LRRC4C: variants seen among roughly 807,000 people sequenced by gnomAD.
The protein encoded by LRRC4C is leucine-rich repeat-containing protein 4C.
In LRRC4C, 5 loss-of-function variants were observed where a neutral mutation model predicts 33.6. The ratio of observed to expected loss-of-function variants is 0.15; its 90% confidence interval spans 0.08 to 0.31. The LOEUF (loss-of-function observed/expected upper bound fraction) is 0.31. Among genes scored for constraint, LRRC4C ranks in the 10% least tolerant of loss-of-function variants. LRRC4C has a pLI of 1.00. For synonymous variants in LRRC4C, 329 were observed against 302.0 expected, an observed-to-expected ratio of 1.09 and a Z score of -0.93; for missense variants, 560 against 796.7, an observed-to-expected ratio of 0.70 and a Z score of 3.58.
chr11:40,933,464 CTAT>C (rs1477622328), intron 2 of LRRC4C, among the ~76,000 whole-genome samples, 168 bp downstream of exon 2: 1 of 152,224 alleles, frequency 6.6e-6, no homozygotes, highest in Non-Finnish European at 1.5e-5. Context: ...TTGTTTAAAG[CTAT>C]TATTGTTGCA....
intron 4 of LRRC4C, among the ~76,000 whole-genome samples, chr11:40,316,935 T>C (rs1345922719): frequency 1.6e-4 from 1 of 6,320 alleles, no homozygotes; most frequent in Non-Finnish European, 6.5e-3. Flanking sequence ...AGTTCCCTAA[T>C]ATGCTAAAAA....
intron 1 of LRRC4C, among the ~76,000 whole-genome samples, chr11:41,216,433 A>G (rs1947066469): frequency 6.6e-6 from 1 of 151,330 alleles, no homozygotes; most frequent in Non-Finnish European, 1.5e-5. Context: ...TAAAAATGAC[A>G]TTTTTCTCTT....
chr11:40,911,987 G>C (rs181558319), intron 2 of LRRC4C, among the ~76,000 whole-genome samples: 1 of 152,284 alleles, frequency 6.6e-6, no homozygotes, highest in East Asian at 1.9e-4. Context: ...GAGAAGGGAA[G>C]TTGAGAGACA....
In LRRC4C at chr11:40,952,611, T is replaced by C. The variant is rs572669235; in HGVS notation, c.-495-18888A>G. Among the ~76,000 whole-genome samples, 267 of 152,034 alleles carry C rather than the reference T, an allele frequency of 1.8e-3. 1 individual carries two copies. The highest frequency in any genetic ancestry group is 5.7e-3 in the African/African-American group (236 of 41,510). On this transcript the variant is annotated intron_variant, in intron 1 of 6. Coordinates refer to ENST00000528697, the MANE Select transcript of LRRC4C (RefSeq NM_001258419.2). ...CTGACTTGATACAAAGCCCACTGGATATGTATATATGATTTGGTTGAAGCA... is the reference window on the plus strand; with the variant it reads ...CTGACTTGATACAAAGCCCACTGGACATGTATATATGATTTGGTTGAAGCA...
At chr11:40,186,991 G>A (rs926488165) in intron 5 of LRRC4C, among the ~76,000 whole-genome samples, 4 of 152,150 alleles carry the variant, frequency 2.6e-5, no homozygotes, top group African/African-American at 9.7e-5. Context: ...AGCAACTGCT[G>A]CCACTGACAC....
At chr11:40,221,725 T>C (rs1864432832) in intron 5 of LRRC4C, among the ~76,000 whole-genome samples, 1 of 152,162 alleles carries the variant, frequency 6.6e-6, no homozygotes, top group Non-Finnish European at 1.5e-5. Flanking sequence ...TATCTATAGA[T>C]TAAAGACATT....
At chr11:41,219,987 G>T (rs1947232679) in intron 1 of LRRC4C, among the ~76,000 whole-genome samples, 1 of 152,096 alleles carries the variant, frequency 6.6e-6, no homozygotes. Context: ...ATGTGTTTTT[G>T]TATTATTTGA....
At chr11:41,443,566 T>C (rs1274574115) in intron 1 of LRRC4C, among the ~76,000 whole-genome samples, 1 of 152,048 alleles carries the variant, frequency 6.6e-6, no homozygotes, top group Non-Finnish European at 1.5e-5. Context: ...CTCTCCTTTT[T>C]CTTTTTTCTT....
At chr11:40,773,213 G>C (rs376163176) in intron 2 of LRRC4C, among the ~76,000 whole-genome samples, 1 of 152,096 alleles carries the variant, frequency 6.6e-6, no homozygotes, top group Non-Finnish European at 1.5e-5. Flanking sequence ...AGGAAGTAGT[G>C]GTGGGTCACT....
At chr11:41,416,182 G>C (rs1954673001) in intron 1 of LRRC4C, among the ~76,000 whole-genome samples, 1 of 151,962 alleles carries the variant, frequency 6.6e-6, no homozygotes, top group Non-Finnish European at 1.5e-5. Flanking sequence ...CAGAATCTCA[G>C]AGGAGAAGAG....
rs766957169 is a variant in LRRC4C, at chr11:40,114,863, C to T, written c.1430G>A (p.Gly477Asp). The change falls in exon 7 of 7, where the codon GGT (glycine) becomes GAT (aspartate). Residue 477 changes from glycine (G) to aspartate (D), a missense_variant. Coordinates refer to ENST00000528697, the MANE Select transcript of LRRC4C (RefSeq NM_001258419.2). ...DEARTTDNNV[G>D]PTPVVDWETT... ...CTCCCAGTCGACCACTGGAGTGGGA[C>T]CCACATTGTTATCTGTGGTCCGTGC... 2.2e-5 allele frequency: 35 copies of T among 1,614,004 alleles called. No individual in the cohort carries two copies. The highest frequency in any genetic ancestry group is 3.0e-5 in the Non-Finnish European group (35 of 1,180,034).
At chr11:40,319,462 T>A (rs1451170443) in intron 4 of LRRC4C, among the ~76,000 whole-genome samples, 166 bp downstream of exon 4, 1 of 152,206 alleles carries the variant, frequency 6.6e-6, no homozygotes, top group Non-Finnish European at 1.5e-5. Context: ...TTTTGCCGCA[T>A]GCACTGAAAT....
intron 2 of LRRC4C, among the ~76,000 whole-genome samples, chr11:40,700,127 G>A (rs1343665076): frequency 1.3e-5 from 2 of 152,098 alleles, no homozygotes; most frequent in African/African-American, 2.4e-5. Context: ...CGTCTTAGAT[G>A]ACTGAAGATA....
At chr11:41,119,035 G>C (rs1000604027) in intron 1 of LRRC4C, among the ~76,000 whole-genome samples, 2 of 151,862 alleles carry the variant, frequency 1.3e-5, no homozygotes. Flanking sequence ...TAACTCAAGA[G>C]AAGTGTAAAG....
intron 1 of LRRC4C, among the ~76,000 whole-genome samples, chr11:41,446,095 A>G (rs1955818031): frequency 6.6e-6 from 1 of 152,166 alleles, no homozygotes; most frequent in South Asian, 2.1e-4. Flanking sequence ...TCAAGCTCCC[A>G]ATTAGCAAAG....
intron 3 of LRRC4C, among the ~76,000 whole-genome samples, chr11:40,642,427 C>G (rs766372563): frequency 2.0e-5 from 3 of 152,174 alleles, no homozygotes; most frequent in Middle Eastern, 3.4e-3. Context: ...AATGTGATCT[C>G]TCTCCCTCTG....
intron 4 of LRRC4C, among the ~76,000 whole-genome samples, chr11:40,297,329 C>T (rs189467697): frequency 1.3e-4 from 20 of 152,182 alleles, no homozygotes; most frequent in Admixed American, 2.6e-4. Context: ...GAATATCCTC[C>T]GGGATAATCG....
chr11:40,239,896 T>G (rs1469509202), intron 5 of LRRC4C, among the ~76,000 whole-genome samples: 2 of 152,298 alleles, frequency 1.3e-5, no homozygotes, highest in African/African-American at 4.8e-5. Flanking sequence ...TCTGAAGACA[T>G]AAAACCTTCC....
chr11:40,738,383 A>C (rs1947991099), intron 2 of LRRC4C, among the ~76,000 whole-genome samples: 1 of 152,032 alleles, frequency 6.6e-6, no homozygotes, highest in Admixed American at 6.6e-5. Context: ...TTCTCCAAAT[A>C]AATCTCCTTT....
Sources: allele counts gnomAD v4.1 joint callset (sites outside exome capture counted in the v4.1 genomes callset), GRCh38; gene constraint gnomAD v4.1.1; transcripts MANE v1.5; gene names NCBI Gene and HGNC (gene_info 2026-07-23, HGNC 2026-07-21).